NSD3: variants seen among roughly 807,000 people sequenced by gnomAD.
The protein encoded by NSD3 is nuclear receptor binding SET domain protein 3, also known as histone-lysine N-methyltransferase NSD3.
NSD3 carries 24 observed loss-of-function variants against 160.8 expected under a neutral mutation model. That is an observed-to-expected ratio of 0.15 (90% CI 0.11 to 0.21). The LOEUF is 0.21. Ranked by LOEUF, NSD3 falls within the 10% of genes least tolerant of loss-of-function variation. NSD3 has a pLI of 1.00. For synonymous variants in NSD3, 520 were observed against 600.0 expected, an observed-to-expected ratio of 0.87 and a Z score of 1.95; for missense variants, 1,157 against 1,735.9, an observed-to-expected ratio of 0.67 and a Z score of 5.93.
chr8:38,276,655 CA>C lies in NSD3; in HGVS notation c.3868-156del, dbSNP rs1167382385. The stretch of plus-strand genomic sequence containing the variant: ...CCTTATGCTGCAACAAATACTATAA[CA>C]AAAATAAAGTTTTGTTTTCACTGAC... On this transcript the variant is annotated intron_variant, in intron 22 of 23. Transcript: ENST00000317025. The C allele has an allele frequency of 4.0e-6, 3 of 743,316 alleles. No individual in the cohort carries two copies. In the African/African-American group the frequency reaches 5.3e-5, roughly 13 times the overall value. 46.0% of individuals were successfully genotyped at this position (743,316 alleles called of 1,614,324 possible).
At chr8:38,354,873 A>C (rs891854084) in intron 1 of NSD3, among the ~76,000 whole-genome samples, 6 of 152,156 alleles carry the variant, frequency 3.9e-5, no homozygotes, top group African/African-American at 1.4e-4. Context: ...ACATTGTTAT[A>C]TTTTCTAGAA....
chr8:38,341,365 C>A (rs918550814), intron 2 of NSD3, among the ~76,000 whole-genome samples: 1 of 152,076 alleles, frequency 6.6e-6, no homozygotes, highest in African/African-American at 2.4e-5. Context: ...TGGTGAAACC[C>A]TGTCTCTACT....
chr8:38,352,424 T>C (rs1242451045), intron 1 of NSD3, among the ~76,000 whole-genome samples: 1 of 152,178 alleles, frequency 6.6e-6, no homozygotes, highest in Non-Finnish European at 1.5e-5. Flanking sequence ...TGTCAGGCAC[T>C]TTACACATCA....
rs1808663062 is a variant in NSD3 at position 38,278,431 on chromosome 8, A to T, written c.3761-19T>A. 2.5e-6 allele frequency: 4 copies of T among 1,593,362 alleles called. No individual in the cohort carries two copies. Among genetic ancestry groups the T allele is most frequent in the Admixed American group, 1.7e-5 (1 of 57,514 alleles). ...TCCATCCCTGAAACACAGGAGAAAT[A>T]ATTATTCAAACTCGAGTCATGGGGA... On this transcript the variant is annotated intron_variant, in intron 21 of 23. Coordinates refer to ENST00000317025, the MANE Select transcript of NSD3 (RefSeq NM_023034.2).
At position 38,304,635 on chromosome 8, in the gene NSD3, T is replaced by C. The variant is rs200585543; in HGVS notation, c.2563A>G (p.Ser855Gly). 8.0e-4 allele frequency: 1,298 copies of C among 1,613,788 alleles called. 19 individuals are homozygous for C. The South Asian group carries it at 0.014, about 17-fold the overall frequency. The change falls in exon 14 of 24, where the codon AGT becomes GGT. Residue 855 changes from serine (S) to glycine (G), a missense_variant. Ser to Gly is a moderately conservative substitution (Grantham distance 56, BLOSUM62 0). Around this residue, in one of 10 missense-constraint regions of NSD3, gnomAD observed 437 missense variants for 576.6 expected, o/e 0.76. Transcript: ENST00000317025. ...CCTACATTTACAGCAGAAGAATTAC[T>C]GCTCCGTTTGGAATGATTACTACAG... ...LICSNHSKRS[S>G]NSSAVNVGFC...
intron 22 of NSD3, 36 bp from the exon 23 acceptor site, chr8:38,276,536 A>G (rs191988306): frequency 1.9e-6 from 3 of 1,610,146 alleles, no homozygotes; most frequent in South Asian, 2.2e-5. Flanking sequence ...TTCAAACATC[A>G]CAGACAGTGC....
At chr8:38,381,383 C>T (rs1393744640) in intron 1 of NSD3, among the ~76,000 whole-genome samples, 1 of 152,020 alleles carries the variant, frequency 6.6e-6, no homozygotes, top group African/African-American at 2.4e-5. Flanking sequence ...CTGGTTCCTA[C>T]ACTCCATCCC....
chr8:38,359,476 T>C (rs576849872), intron 1 of NSD3, among the ~76,000 whole-genome samples: 1 of 152,140 alleles, frequency 6.6e-6, no homozygotes, highest in African/African-American at 2.4e-5. Flanking sequence ...ACCCCACACA[T>C]ACACAAGAAA....
At position 38,272,479 on chromosome 8, in the gene NSD3, C is replaced by T. The variant is rs1032890296; in HGVS notation, c.*3162G>A. ...ATCCACCTTGCCCTTCTCAGCCAGCCACAGGCAGCTCTTCTGATTCTTCCC... is the reference window on the plus strand; with the variant it reads ...ATCCACCTTGCCCTTCTCAGCCAGCTACAGGCAGCTCTTCTGATTCTTCCC... On this transcript the variant is annotated 3_prime_UTR_variant, in exon 24 of 24. Coordinates refer to ENST00000317025, the MANE Select transcript of NSD3 (RefSeq NM_023034.2). 1 of 152,304 alleles carries T rather than the reference C, an allele frequency of 6.6e-6. No individual in the cohort carries two copies. Among genetic ancestry groups the T allele is most frequent in the Admixed American group, 6.5e-5 (1 of 15,280 alleles). 9.4% of individuals were successfully genotyped at this position (152,304 alleles called of 1,614,324 possible).
At chr8:38,308,731 G>T (rs1809463289) in intron 12 of NSD3, among the ~76,000 whole-genome samples, 1 of 152,076 alleles carries the variant, frequency 6.6e-6, no homozygotes. Context: ...GAGGTGGGAG[G>T]ATTGAGCCCA....
chr8:38,373,934 C>CAAAAAAAAAAAAAAAAAAAAAAAAAAA, intron 1 of NSD3, among the ~76,000 whole-genome samples: 1 of 25,138 alleles, frequency 4.0e-5, no homozygotes, highest in Non-Finnish European at 8.1e-5. Context: ...TCTGTCTCTA[C>CAAAAAAAAAAAAAAAAAAAAAAAAAAA]AAAAAAAAAA....
intron 12 of NSD3, among the ~76,000 whole-genome samples, chr8:38,312,493 G>A (rs1457858950): frequency 6.6e-6 from 1 of 151,980 alleles, no homozygotes; most frequent in Non-Finnish European, 1.5e-5. Context: ...ATATACTTTG[G>A]ATATTTGTCC....
At position 38,315,904 on chromosome 8, in the gene NSD3, A is replaced by T. The variant is rs749005789; in HGVS notation, c.1986+8T>A. 6 of 1,613,496 alleles carry T rather than the reference A, an allele frequency of 3.7e-6. No individual in the cohort carries two copies. Among genetic ancestry groups the T allele is most frequent in the Non-Finnish European group, 5.1e-6 (6 of 1,179,830 alleles). On this transcript the variant is annotated splice_region_variant and intron_variant, in intron 10 of 23. Transcript: ENST00000317025. Reference sequence around the variant, plus strand: ...GAACACTTTGTCCAGACCCTTGCACATATTTACCTGCAGGTCACTCAGTCC... The same window carrying T: ...GAACACTTTGTCCAGACCCTTGCACTTATTTACCTGCAGGTCACTCAGTCC...
chr8:38,349,477 C>T (rs905221744), intron 1 of NSD3, among the ~76,000 whole-genome samples: 2 of 151,522 alleles, frequency 1.3e-5, no homozygotes, highest in African/African-American at 4.9e-5. Flanking sequence ...AGTCACCACG[C>T]CTGGCCTGAA....
At chr8:38,312,137 TG>T (rs1809549261) in intron 12 of NSD3, among the ~76,000 whole-genome samples, 2 of 152,228 alleles carry the variant, frequency 1.3e-5, no homozygotes, top group South Asian at 4.1e-4. Context: ...TCTATGCCAT[TG>T]GTCTATATGT....
chr8:38,361,537 C>T (rs1398586343), intron 1 of NSD3, among the ~76,000 whole-genome samples: 13 of 150,428 alleles, frequency 8.6e-5, no homozygotes, highest in Non-Finnish European at 1.6e-4. Context: ...GGGCGGATCA[C>T]GAGGTCAGGA....
chr8:38,309,498 A>G (rs1809483572), intron 12 of NSD3, among the ~76,000 whole-genome samples: 1 of 151,964 alleles, frequency 6.6e-6, no homozygotes, highest in African/African-American at 2.4e-5. Context: ...ATTAAATAAA[A>G]AGCTAGCTGG....
intron 15 of NSD3, 84 bp from the exon 16 acceptor site, chr8:38,296,036 C>T: frequency 1.5e-6 from 2 of 1,373,500 alleles, no homozygotes; most frequent in South Asian, 3.0e-5. Context: ...CTTTTCAGCA[C>T]ATTAAATTTG....
chr8:38,329,633 G>A lies in NSD3; in HGVS notation c.1326C>T (p.Leu442=). 1 of 1,614,230 alleles carries A rather than the reference G, an allele frequency of 6.2e-7. No homozygotes were observed. The highest frequency in any genetic ancestry group is 8.5e-7 in the Non-Finnish European group (1 of 1,180,044). ...TATGTCTCCGAATTTCAGTACTTGAGAGTGAGGAGGCCACCTCCCCTGCAT... is the reference window on the plus strand; with the variant it reads ...TATGTCTCCGAATTTCAGTACTTGAAAGTGAGGAGGCCACCTCCCCTGCAT... ...QTNAGEVASS[L]SSTEIRRHSQ... is the part of the protein sequence containing the mutation. The change falls in exon 6 of 24, where the codon CTC becomes CTT. Residue 442 remains leucine, a synonymous_variant. Transcript: ENST00000317025. This position sits in a 1 kb window ranked among gnomAD's most constrained non-coding sequence, Gnocchi z 4.8.
Sources: gnomAD v4.1 joint callset for allele counts (sites outside exome capture counted in the v4.1 genomes callset) on GRCh38, gnomAD v4.1.1 for gene constraint, gnomAD v4.1.1 regional missense constraint, Gnocchi (gnomAD v3.1) non-coding constraint, MANE v1.5 for transcripts, NCBI Gene and HGNC (gene_info 2026-07-23, HGNC 2026-07-21) for gene names.